CD44: variants seen among roughly 807,000 people sequenced by gnomAD.
CD44 encodes the protein CD44 antigen.
Under a neutral mutation model 88.8 loss-of-function variants are expected in CD44, and 49 were observed. That is an observed-to-expected ratio of 0.55 (90% CI 0.44 to 0.70). The LOEUF (loss-of-function observed/expected upper bound fraction) is 0.70. CD44 is among the 30% of genes least tolerant of loss of function. CD44 has a pLI of 0.00. For missense variants in CD44, 883 were observed against 913.8 expected, an observed-to-expected ratio of 0.97 and a Z score of 0.43; for synonymous variants, 325 against 312.3, an observed-to-expected ratio of 1.04 and a Z score of -0.43.
At chr11:35,184,409 G>A (rs1945452421) in intron 3 of CD44, among the ~76,000 whole-genome samples, 3 of 152,156 alleles carry the variant, frequency 2.0e-5, no homozygotes, top group Admixed American at 2.0e-4. Context: ...AGGGGAGATT[G>A]TTTCATCCCT....
At chr11:35,221,769 G>C in intron 17 of CD44, 37 bp downstream of exon 17, 1 of 1,560,616 alleles carries the variant, frequency 6.4e-7, no homozygotes, top group Non-Finnish European at 8.8e-7. Context: ...ACTTGGAAAG[G>C]GCATCATTTA....
rs760688690 is a variant in CD44, at chr11:35,229,349, C to G, written c.*16C>G. On this transcript the variant is annotated 3_prime_UTR_variant, in exon 18 of 18. Coordinates refer to ENST00000428726, the MANE Select transcript of CD44 (RefSeq NM_000610.4). ...TGGGGTGTAACACCTACACCATTATCTTGGAAAGAAACAACCGTTGGAAAC... is the reference window on the plus strand; with the variant it reads ...TGGGGTGTAACACCTACACCATTATGTTGGAAAGAAACAACCGTTGGAAAC... 6.5e-7 allele frequency: 1 copy of G among 1,547,104 alleles called. No homozygotes were observed. Among genetic ancestry groups the G allele is most frequent in the African/African-American group, 1.4e-5 (1 of 73,472 alleles).
chr11:35,211,458 G>A lies in CD44; in HGVS notation c.1810+9G>A. The stretch of plus-strand genomic sequence containing the variant: ...CAATCGTTCCTTATCAGGTAATTTG[G>A]CATTTATTATCTAGTTTGCTTTCTC... On this transcript the variant is annotated intron_variant, in intron 14 of 17. Transcript: ENST00000428726. 1.2e-6 allele frequency: 2 copies of A among 1,605,302 alleles called. No individual in the cohort carries two copies. Among genetic ancestry groups the A allele is most frequent in the Non-Finnish European group, 1.7e-6 (2 of 1,172,292 alleles).
chr11:35,181,886 C>CATA (rs571884198), intron 3 of CD44, among the ~76,000 whole-genome samples: 7,638 of 48,290 alleles, frequency 0.16, 511 homozygotes, highest in Admixed American at 0.17. Context: ...ATATATAATT[C>CATA]TATATATAAT....
At chr11:35,161,188 TC>T (rs1207508742) in intron 1 of CD44, among the ~76,000 whole-genome samples, 1 of 152,232 alleles carries the variant, frequency 6.6e-6, no homozygotes, top group Non-Finnish European at 1.5e-5. Flanking sequence ...AGTACCAGGC[TC>T]TTTGCAGAGA....
intron 11 of CD44, among the ~76,000 whole-genome samples, chr11:35,206,759 C>T (rs1181902405): frequency 6.6e-6 from 1 of 151,324 alleles, no homozygotes; most frequent in Non-Finnish European, 1.5e-5. Flanking sequence ...GTGAGTGGAT[C>T]CATTTTTCAC....
intron 5 of CD44, 125 bp downstream of exon 5, chr11:35,190,190 C>A: frequency 5.0e-6 from 4 of 805,750 alleles, no homozygotes; most frequent in South Asian, 3.2e-5. Flanking sequence ...GCTGGTGATG[C>A]CATTCAGGGA....
At chr11:35,220,163 A>C (rs57427719) in intron 16 of CD44, among the ~76,000 whole-genome samples, 3,852 of 152,266 alleles carry the variant, frequency 0.025, 162 homozygotes, top group African/African-American at 0.087. Context: ...CCTTTGCCCC[A>C]GCTTGCCTAA....
chr11:35,145,164 C>G (rs970935879), intron 1 of CD44, among the ~76,000 whole-genome samples: 4 of 152,190 alleles, frequency 2.6e-5, no homozygotes, highest in Non-Finnish European at 4.4e-5. Context: ...AAACAAATTC[C>G]AATGTATCTT....
At chr11:35,179,478 A>G (rs1944785672) in intron 2 of CD44, among the ~76,000 whole-genome samples, 1 of 152,126 alleles carries the variant, frequency 6.6e-6, no homozygotes, top group African/African-American at 2.4e-5. Flanking sequence ...TTGTATCTGT[A>G]TGTCGTATCC....
chr11:35,178,499 G>GAA (rs538035528), intron 2 of CD44, among the ~76,000 whole-genome samples: 186 of 152,198 alleles, frequency 1.2e-3, no homozygotes, highest in Non-Finnish European at 2.2e-3. Flanking sequence ...CCCAGGACAG[G>GAA]ATTTTAATGA....
At chr11:35,148,091 C>CAA (rs879293303) in intron 1 of CD44, among the ~76,000 whole-genome samples, 1 of 140,136 alleles carries the variant, frequency 7.1e-6, no homozygotes. Context: ...AACTCGGTCT[C>CAA]AAAAAAAAAA....
rs765105797 is a variant in CD44 at position 35,198,169 on chromosome 11, A to G, written c.845A>G (p.Asn282Ser). ...ISAGWEPNEE[N>S]EDERDRHLSF... ...GCAGGCTGGGAGCCAAATGAAGAAA[A>G]TGAAGATGAAAGAGACAGACACCTC... The change falls in exon 7 of 18, where the codon AAT becomes AGT. Residue 282 changes from asparagine (N) to serine (S), a missense_variant. Transcript: ENST00000428726. The G allele has an allele frequency of 1.2e-6, 2 of 1,613,996 alleles. No homozygotes were observed. The highest frequency in any genetic ancestry group is 2.2e-5 in the South Asian group (2 of 91,088).
intron 1 of CD44, among the ~76,000 whole-genome samples, chr11:35,140,019 T>C (rs1007438628): frequency 6.6e-6 from 1 of 152,170 alleles, no homozygotes; most frequent in Non-Finnish European, 1.5e-5. Context: ...CAGCCTGGGA[T>C]AGGGAGCATG....
At chr11:35,194,025 A>C (rs1236019818) in intron 5 of CD44, among the ~76,000 whole-genome samples, 1 of 152,230 alleles carries the variant, frequency 6.6e-6, no homozygotes, top group African/African-American at 2.4e-5. Flanking sequence ...CACACTAGCA[A>C]CCCAAAGATA....
chr11:35,194,999 C>T (rs545429233), intron 5 of CD44, among the ~76,000 whole-genome samples: 1 of 152,120 alleles, frequency 6.6e-6, no homozygotes, highest in African/African-American at 2.4e-5. Context: ...GGCCCTGAAC[C>T]CTTCTTTGGA....
At chr11:35,160,451 C>T (rs1169553307) in intron 1 of CD44, among the ~76,000 whole-genome samples, 1 of 152,186 alleles carries the variant, frequency 6.6e-6, no homozygotes, top group South Asian at 2.1e-4. Flanking sequence ...CTGACGCATT[C>T]ATTATACCAT....
rs1194543974 is a variant in CD44, at chr11:35,221,661, G to A, written c.1953G>A (p.Leu651=). 1 of 1,613,868 alleles carries A rather than the reference G, an allele frequency of 6.2e-7. No individual in the cohort carries two copies. The highest frequency in any genetic ancestry group is 1.7e-5 in the Admixed American group (1 of 60,024). Residue 651 remains leucine, a synonymous_variant, in exon 17 of 18, where the codon CTG becomes CTA. Coordinates refer to ENST00000428726, the MANE Select transcript of CD44 (RefSeq NM_000610.4). ...PIRTPQIPEW[L]IILASLLALA... is the part of the protein sequence containing the mutation. ...TTAATTTACTCATACCAGAATGGCT[G>A]ATCATCTTGGCATCCCTCTTGGCCT...
chr11:35,206,593 G>A (rs530728332), intron 11 of CD44, among the ~76,000 whole-genome samples: 2 of 150,294 alleles, frequency 1.3e-5, no homozygotes, highest in African/African-American at 2.4e-5. Flanking sequence ...ATCACAGAAA[G>A]GTGAATTGGA....
Sources: allele counts gnomAD v4.1 joint callset (sites outside exome capture counted in the v4.1 genomes callset), GRCh38; gene constraint gnomAD v4.1.1; transcripts MANE v1.5; gene names NCBI Gene and HGNC (gene_info 2026-07-23, HGNC 2026-07-21).